BCL11B: variants seen among roughly 807,000 people sequenced by gnomAD.
The protein encoded by BCL11B is BCL11 transcription factor B, also known as B-cell lymphoma/leukemia 11B.
A neutral mutation model predicts 49.9 loss-of-function variants in BCL11B; 8 were observed. The ratio of observed to expected loss-of-function variants is 0.16; its 90% CI spans 0.09 to 0.29. BCL11B has a LOEUF of 0.29. Ranked by LOEUF, BCL11B falls within the 10% of genes least tolerant of loss-of-function variation. The pLI is 1.00. For missense variants in BCL11B, 1,006 were observed against 1,351.0 expected (o/e 0.74, Z 4.00); for synonymous variants, 739 against 637.4 (o/e 1.16, Z -2.40).
At chr14:99,238,564 C>CA (rs1888570147) in intron 2 of BCL11B, among the ~76,000 whole-genome samples, 1 of 152,208 alleles carries the variant, frequency 6.6e-6, no homozygotes, top group Non-Finnish European at 1.5e-5. Flanking sequence ...GGGCATCCCT[C>CA]AGCCATCTTC....
chr14:99,238,343 C>T (rs951296515), intron 2 of BCL11B, among the ~76,000 whole-genome samples: 3 of 152,216 alleles, frequency 2.0e-5, no homozygotes, highest in South Asian at 2.1e-4. Flanking sequence ...GAGGCAGGCA[C>T]GCTTGGGCAC....
chr14:99,207,398 G>T (rs139310535), intron 3 of BCL11B, among the ~76,000 whole-genome samples: 1 of 152,204 alleles, frequency 6.6e-6, no homozygotes, highest in Admixed American at 6.5e-5. Flanking sequence ...CCAATCTAAA[G>T]TCCCTCTAGC....
chr14:99,260,304 G>A (rs558949893), intron 1 of BCL11B, among the ~76,000 whole-genome samples: 3 of 152,158 alleles, frequency 2.0e-5, no homozygotes, highest in Non-Finnish European at 4.4e-5. Flanking sequence ...TGATAAAAAC[G>A]TACAACGACA....
At chr14:99,190,316 G>C (rs1368673794) in intron 3 of BCL11B, among the ~76,000 whole-genome samples, 1 of 152,184 alleles carries the variant, frequency 6.6e-6, no homozygotes, top group East Asian at 1.9e-4. Context: ...GTGAAACCCC[G>C]TCTCTACTAA....
Position 99,228,681 on chromosome 14 carries a change from C to A in BCL11B, c.640+2664G>T, listed in dbSNP as rs571864302. On this transcript the variant is annotated intron_variant, in intron 3 of 3. Transcript: ENST00000357195. The surrounding 1 kb of genome is among the most constrained non-coding windows in gnomAD (Gnocchi z 4.8). ...AAGGCCTTTAATGCCAGAAGAAGAG[C>A]CAAAGCCAAAGATGTGGCAGGTGCT... is the stretch of plus-strand genomic sequence containing the variant. Among the ~76,000 whole-genome samples the A allele has an allele frequency of 4.6e-5, 7 of 152,284 alleles. No individual in the cohort carries two copies. The highest frequency in any genetic ancestry group is 1.0e-4 in the Non-Finnish European group (7 of 68,020).
chr14:99,171,554 T>C lies in BCL11B; in HGVS notation c.*2597A>G, dbSNP rs971504773. 4.7e-6 allele frequency: 1 copy of C among 211,422 alleles called. No homozygotes were observed. The highest frequency in any genetic ancestry group is 9.6e-6 in the Non-Finnish European group (1 of 104,104). The allele number at this position is 211,422 out of a possible 1,614,324, so 13.1% of individuals were successfully genotyped here. Reference sequence around the variant, plus strand: ...TGCCTACATCATATGAACCAACCAATATATCCATTCCAGAGGGAGGCGGGA... The same window carrying C: ...TGCCTACATCATATGAACCAACCAACATATCCATTCCAGAGGGAGGCGGGA... On this transcript the variant is annotated 3_prime_UTR_variant, in exon 4 of 4. Transcript: ENST00000357195.
At chr14:99,180,450 G>A (rs1418638587) in intron 3 of BCL11B, among the ~76,000 whole-genome samples, 1 of 152,110 alleles carries the variant, frequency 6.6e-6, no homozygotes, top group African/African-American at 2.4e-5. Context: ...AGAGCCCCAG[G>A]ACATCTTTCT....
Position 99,176,053 on chromosome 14 carries a change from C to A in BCL11B, c.783G>T (p.Pro261=). 6.3e-7 allele frequency: 1 copy of A among 1,598,416 alleles called. No homozygotes were observed. The change falls in exon 4 of 4, where the codon CCG becomes CCT. Residue 261 remains proline, a synonymous_variant. Coordinates refer to ENST00000357195, the MANE Select transcript of BCL11B (RefSeq NM_138576.4). The stretch of plus-strand genomic sequence containing the variant: ...CGAGCGGCGGCGGGATGGTGAGCCG[C>A]GGCGTGAGCGAGCTGCTGGCCGGCC... The part of the protein sequence containing the change: ...EPGPASSSLT[P]RLTIPPPLGP...
chr14:99,199,686 G>GCA (rs1177811008), intron 3 of BCL11B, among the ~76,000 whole-genome samples: 1 of 49,202 alleles, frequency 2.0e-5, no homozygotes, highest in African/African-American at 6.3e-5. Context: ...GTGTGTGTGC[G>GCA]CGCGCGCGCG....
intron 3 of BCL11B, among the ~76,000 whole-genome samples, chr14:99,219,348 T>C (rs749865299): frequency 1.7e-4 from 26 of 152,220 alleles, no homozygotes; most frequent in Non-Finnish European, 3.5e-4. Flanking sequence ...AATCAATTTC[T>C]TATTGTCTTA....
intron 3 of BCL11B, among the ~76,000 whole-genome samples, chr14:99,199,900 C>T (rs781397165): frequency 1.3e-5 from 2 of 151,942 alleles, no homozygotes; most frequent in African/African-American, 2.4e-5. Context: ...GGTATTGCCT[C>T]GCCACAGGAT....
At chr14:99,217,180 AC>A (rs1397194003) in intron 3 of BCL11B, among the ~76,000 whole-genome samples, 1 of 152,200 alleles carries the variant, frequency 6.6e-6, no homozygotes, top group Non-Finnish European at 1.5e-5. Context: ...ATGTATATAT[AC>A]CCTCACATGT....
At chr14:99,215,863 C>A (rs1887818727) in intron 3 of BCL11B, among the ~76,000 whole-genome samples, 1 of 152,038 alleles carries the variant, frequency 6.6e-6, no homozygotes, top group East Asian at 1.9e-4. Flanking sequence ...AGAAAGAGAC[C>A]TCAAATACAC....
chr14:99,193,601 G>GA (rs1223849146), intron 3 of BCL11B, among the ~76,000 whole-genome samples: 1 of 151,400 alleles, frequency 6.6e-6, no homozygotes, highest in Non-Finnish European at 1.5e-5. Flanking sequence ...TCTGGAGAAA[G>GA]AAAAAAAAGT....
Position 99,174,541 on chromosome 14 carries a change from CGAGA to C in BCL11B, c.2291_2294del (p.Leu764ArgfsTer47). On this transcript the variant is annotated frameshift_variant, in exon 4 of 4. Coordinates refer to ENST00000357195, the MANE Select transcript of BCL11B (RefSeq NM_138576.4). LOFTEE classifies it high-confidence loss of function. ...CTCCGCTGGCCGTGCCGCTGCGGCC[CGAGA>C]GGCCGCCGTCCAGCAGGTCCCCGGG... The C allele has an allele frequency of 6.6e-7, 1 of 1,511,366 alleles. No individual in the cohort carries two copies. The highest frequency in any genetic ancestry group is 8.8e-7 in the Non-Finnish European group (1 of 1,132,224). 93.6% of individuals were successfully genotyped at this position (1,511,366 alleles called of 1,614,324 possible).
chr14:99,216,405 C>T (rs1180100124), intron 3 of BCL11B, among the ~76,000 whole-genome samples: 1 of 152,186 alleles, frequency 6.6e-6, no homozygotes. Flanking sequence ...TGCCCAAGGC[C>T]AAAGCTCAGA....
At position 99,231,492 on chromosome 14, in the gene BCL11B, A is replaced by G. The variant is rs761975062; in HGVS notation, c.493T>C (p.Ser165Pro). 1.2e-6 allele frequency: 2 copies of G among 1,601,800 alleles called. No individual in the cohort carries two copies. Among genetic ancestry groups the G allele is most frequent in the Non-Finnish European group, 8.5e-7 (1 of 1,174,510 alleles). Residue 165 changes from serine to proline, a missense_variant, in exon 3 of 4, where the codon TCC becomes CCC. Ser to Pro is a moderately conservative substitution (Grantham distance 74, BLOSUM62 -1). Coordinates refer to ENST00000357195, the MANE Select transcript of BCL11B (RefSeq NM_138576.4). The surrounding 1 kb of genome is among the most constrained non-coding windows in gnomAD (Gnocchi z 8.1). ...PIAASSHPHS[S>P]VITSPLRALG... is the part of the protein sequence containing the mutation. Reference sequence around the variant, plus strand: ...GCACGCAGAGGTGAAGTGATCACGGATGAGTGAGGGTGGGAGGAGGCAGCT... The same window carrying G: ...GCACGCAGAGGTGAAGTGATCACGGGTGAGTGAGGGTGGGAGGAGGCAGCT...
At chr14:99,199,927 C>T (rs1468321679) in intron 3 of BCL11B, among the ~76,000 whole-genome samples, 1 of 151,896 alleles carries the variant, frequency 6.6e-6, no homozygotes, top group East Asian at 1.9e-4. Context: ...TCCAACATCC[C>T]TTATAAGACA....
At chr14:99,199,683 T>TGTGTGCGCGCGC (rs759599743) in intron 3 of BCL11B, among the ~76,000 whole-genome samples, 55 of 73,722 alleles carry the variant, frequency 7.5e-4, no homozygotes, top group East Asian at 1.9e-3. Flanking sequence ...TGTGTGTGTG[T>TGTGTGCGCGCGC]GCGCGCGCGC....
Sources: allele counts gnomAD v4.1 joint callset (sites outside exome capture counted in the v4.1 genomes callset), GRCh38; gene constraint gnomAD v4.1.1; non-coding constraint Gnocchi (gnomAD v3.1); transcripts MANE v1.5; gene names NCBI Gene and HGNC (gene_info 2026-07-23, HGNC 2026-07-21).